Variants in KCNMB3 observed in about 807,000 individuals in gnomAD.
KCNMB3 encodes potassium calcium-activated channel subfamily M regulatory beta subunit 3, also known as calcium-activated potassium channel subunit beta-3.
Under a neutral mutation model 11.9 loss-of-function variants are expected in KCNMB3, and 18 were observed. That is an observed-to-expected ratio of 1.51 (90% CI 1.04 to 2.23). The LOEUF is 2.23. KCNMB3 is among the 30% of genes most tolerant of loss of function. The pLI is 0.00. For missense variants in KCNMB3, 247 were observed against 329.4 expected (o/e 0.75, Z 1.94); for synonymous variants, 78 against 119.2 (o/e 0.65, Z 2.25).
intron 1 of KCNMB3, among the ~76,000 whole-genome samples, chr3:179,258,206 T>C (rs934483056): frequency 3.9e-5 from 6 of 152,200 alleles, no homozygotes; most frequent in Non-Finnish European, 8.8e-5. Flanking sequence ...AAAAAATGAC[T>C]GTCCCTGCTC....
chr3:179,260,564 T>A (rs1375980163), intron 1 of KCNMB3: 1 of 1,579,104 alleles, frequency 6.3e-7, no homozygotes, highest in Non-Finnish European at 8.6e-7. Flanking sequence ...TAGGGTCCCA[T>A]CCCCTGTCGA....
chr3:179,259,289 C>A, intron 1 of KCNMB3: 1 of 1,551,918 alleles, frequency 6.4e-7, no homozygotes, highest in South Asian at 1.3e-5. Context: ...CATCTTCGCT[C>A]TCTGGTTCTT....
rs1726380817 is a variant in KCNMB3, at chr3:179,266,756, C to T, written c.-46G>A. Reference sequence around the variant, plus strand: ...ATGGCTCCCTTTCACCTGAGTCATGCCCCTGCGGGCGCAAGAAAGGTGAAG... The same window carrying T: ...ATGGCTCCCTTTCACCTGAGTCATGTCCCTGCGGGCGCAAGAAAGGTGAAG... On this transcript the variant is annotated 5_prime_UTR_variant, in exon 1 of 4. Coordinates refer to the KCNMB3 transcript ENST00000349697. 3.7e-6 allele frequency: 6 copies of T among 1,609,174 alleles called. No homozygotes were observed. In the East Asian group the frequency reaches 1.3e-4, roughly 36 times the overall value.
chr3:179,262,043 G>A (rs1192001519), intron 1 of KCNMB3, among the ~76,000 whole-genome samples: 1 of 152,188 alleles, frequency 6.6e-6, no homozygotes, highest in Non-Finnish European at 1.5e-5. Context: ...ATGCTAATTT[G>A]TAGGTACCTG....
chr3:179,251,740 T>C (rs1725851908), upstream of KCNMB3: 13 of 917,654 alleles, frequency 1.4e-5, no homozygotes, highest in Non-Finnish European at 1.9e-5. Flanking sequence ...TTTTTTGGTT[T>C]TTTTTGAGAC....
At chr3:179,245,519 G>GT (rs1387952680) in intron 1 of KCNMB3, among the ~76,000 whole-genome samples, 1 of 151,310 alleles carries the variant, frequency 6.6e-6, no homozygotes, top group Non-Finnish European at 1.5e-5. Context: ...TTTTTTGGGG[G>GT]GGGGGATGGA....
rs372190646 is a variant in KCNMB3, at chr3:179,250,762, G to A, written c.229C>T (p.Leu77=). ...LMFFLLGTTI[L]KPFMLSIQRE... ...TCTTACCTGAGCATAAAAGGCTTTA[G>A]AATGGTTGTTCCGAGCAAGAAGAAC... The change falls in exon 1 of 3, where the codon CTA becomes TTA. Residue 77 remains leucine (L), a synonymous_variant. Coordinates refer to ENST00000392685, the MANE Select transcript of KCNMB3 (RefSeq NM_171830.2). The A allele has an allele frequency of 2.5e-6, 4 of 1,614,070 alleles. No individual in the cohort carries two copies. The African/African-American group carries it at 5.3e-5, about 22-fold the overall frequency.
intron 1 of KCNMB3, chr3:179,261,161 C>T: frequency 2.3e-6 from 3 of 1,326,038 alleles, no homozygotes; most frequent in Admixed American, 2.4e-5. Flanking sequence ...GGGGATCTCA[C>T]GAGCCTCCGC....
At chr3:179,252,952 C>A (rs1336527803), upstream of KCNMB3, among the ~76,000 whole-genome samples, 1 of 152,026 alleles carries the variant, frequency 6.6e-6, no homozygotes, top group African/African-American at 2.4e-5. Flanking sequence ...GAATGGTCTC[C>A]ATCTCCTGAC....
At chr3:179,266,623 C>A in intron 1 of KCNMB3, 1 of 1,613,578 alleles carries the variant, frequency 6.2e-7, no homozygotes, top group South Asian at 1.1e-5. Context: ...TTCCCACTAC[C>A]GGCAGAGCTT....
At chr3:179,248,584 C>T (rs1725722480) in intron 1 of KCNMB3, among the ~76,000 whole-genome samples, 1 of 151,876 alleles carries the variant, frequency 6.6e-6, no homozygotes, top group Non-Finnish European at 1.5e-5. Flanking sequence ...AAAAATTAGC[C>T]AAGTATGGTG....
chr3:179,259,257 T>C, intron 1 of KCNMB3: 1 of 1,534,834 alleles, frequency 6.5e-7, no homozygotes, highest in South Asian at 1.3e-5. Context: ...ACTTTCATTT[T>C]TGGGTACGGT....
chr3:179,259,360 ATTC>A, intron 1 of KCNMB3: 2 of 1,568,548 alleles, frequency 1.3e-6, no homozygotes, highest in South Asian at 2.5e-5. Flanking sequence ...CCTTCATCTA[ATTC>A]TTCACCACCA....
At chr3:179,241,240 T>C (rs1057182278), downstream of KCNMB3, 1 of 152,060 alleles carries the variant, frequency 6.6e-6, no homozygotes, top group Non-Finnish European at 1.5e-5. Context: ...TTCCATAAAA[T>C]AACAACTGCG....
exon 1 of KCNMB3, chr3:179,266,839 C>G: frequency 1.4e-6 from 2 of 1,447,086 alleles, no homozygotes; most frequent in Non-Finnish European, 1.8e-6. Flanking sequence ...AGCGCAGCTG[C>G]AGCCATTAGA....
intron 1 of KCNMB3, among the ~76,000 whole-genome samples, chr3:179,264,512 A>G (rs1425431379): frequency 1.3e-5 from 2 of 152,210 alleles, no homozygotes; most frequent in East Asian, 3.8e-4. Context: ...TGTTTTATTC[A>G]TAATCAAGGC....
chr3:179,257,900 T>G (rs9820725), intron 1 of KCNMB3, among the ~76,000 whole-genome samples: 69 of 140,546 alleles, frequency 4.9e-4, no homozygotes, highest in Middle Eastern at 3.6e-3. Context: ...GTGTGTGTGT[T>G]TTTTAGACAG....
At chr3:179,260,236 T>C in intron 1 of KCNMB3, 2 of 1,613,776 alleles carry the variant, frequency 1.2e-6, no homozygotes, top group Non-Finnish European at 1.7e-6. Context: ...TCAAGGGGAG[T>C]TCTGGTCCTG....
intron 1 of KCNMB3, chr3:179,260,487 T>A: frequency 6.2e-7 from 1 of 1,610,356 alleles, no homozygotes. Context: ...CTCAGTATTG[T>A]GCAAGATTTC....
Sources: gnomAD v4.1 joint callset for allele counts (sites outside exome capture counted in the v4.1 genomes callset) on GRCh38, gnomAD v4.1.1 for gene constraint, MANE v1.5 for transcripts, NCBI Gene and HGNC (gene_info 2026-07-23, HGNC 2026-07-21) for gene names.